Variants in ZHX3 observed in about 807,000 individuals in gnomAD.
ZHX3 encodes zinc fingers and homeoboxes protein 3.
A neutral mutation model predicts 64.5 loss-of-function variants in ZHX3; 20 were observed. The observed-to-expected ratio is 0.31, with a 90% confidence interval of 0.22 to 0.45. ZHX3 has a LOEUF of 0.45. Ranked by LOEUF, ZHX3 falls within the 20% of genes least tolerant of loss-of-function variation. The pLI is 1.00. For missense variants in ZHX3, 1,041 were observed against 1,195.8 expected (o/e 0.87, Z 1.91); for synonymous variants, 423 against 461.6 (o/e 0.92, Z 1.07).
chr20:41,271,561 G>A (rs531953577), intron 1 of ZHX3, among the ~76,000 whole-genome samples: 6 of 152,250 alleles, frequency 3.9e-5, no homozygotes, highest in African/African-American at 1.4e-4. Flanking sequence ...AGAGGAAGCA[G>A]GTAGGAGTGT....
Position 41,200,050 on chromosome 20 carries a change from A to G in ZHX3, c.2860+2007T>C, listed in dbSNP as rs951601671. 1.1e-4 allele frequency among the ~76,000 whole-genome samples: 17 copies of G among 152,160 alleles called. No individual in the cohort carries two copies. The highest frequency in any genetic ancestry group is 4.1e-4 in the African/African-American group (17 of 41,432). On this transcript the variant is annotated intron_variant, in intron 3 of 3. Coordinates refer to ENST00000683867, the MANE Select transcript of ZHX3 (RefSeq NM_001384317.1). The surrounding 1 kb of genome is among the most constrained non-coding windows in gnomAD (Gnocchi z 4.2). ...AGTTGTTATTGCCTACCCTGGCACC[A>G]ACAGTCTGCACCAGGAACATTTTCC...
At chr20:41,269,576 A>AT (rs2043025624) in intron 1 of ZHX3, 1 of 115,710 alleles carries the variant, frequency 8.6e-6, no homozygotes, top group South Asian at 2.7e-4. Flanking sequence ...CTATTTCATC[A>AT]TGGCACTTTC....
chr20:41,200,556 G>A lies in ZHX3; in HGVS notation c.2860+1501C>T, dbSNP rs1342623159. ...GCTGTGAGCTGTGGGCCCCAAAGGA[G>A]GGGAGTGTTTTGTTGTTGCCGTATT... is the stretch of plus-strand genomic sequence containing the variant. On this transcript the variant is annotated intron_variant, in intron 3 of 3. Transcript: ENST00000683867. This position sits in a 1 kb window ranked among gnomAD's most constrained non-coding sequence, Gnocchi z 4.2. Among the ~76,000 whole-genome samples, 3 of 152,018 alleles carry A rather than the reference G, an allele frequency of 2.0e-5. No homozygotes were observed. Among genetic ancestry groups the A allele is most frequent in the South Asian group, 2.1e-4 (1 of 4,816 alleles).
rs1224264792 is a variant in ZHX3, at chr20:41,212,566, G to A, written c.-150-7500C>T. On this transcript the variant is annotated intron_variant, in intron 2 of 3. Transcript: ENST00000683867. The surrounding 1 kb of genome is among the most constrained non-coding windows in gnomAD (Gnocchi z 4.3). ...TAATCCTAGCACTTTGGGAGGCCAA[G>A]GCGGGCGGATCACCAGAGGTCAGGA... Among the ~76,000 whole-genome samples, 5 of 152,188 alleles carry A rather than the reference G, an allele frequency of 3.3e-5. No homozygotes were observed. The highest frequency in any genetic ancestry group is 5.9e-5 in the Non-Finnish European group (4 of 68,026).
intron 2 of ZHX3, among the ~76,000 whole-genome samples, chr20:41,254,996 T>C (rs1306270326): frequency 2.0e-5 from 3 of 151,408 alleles, no homozygotes; most frequent in Admixed American, 6.6e-5. Context: ...AAGGGGAGAG[T>C]GGCATTGATG....
At chr20:41,249,027 A>G (rs377747153) in intron 2 of ZHX3, among the ~76,000 whole-genome samples, 1 of 152,256 alleles carries the variant, frequency 6.6e-6, no homozygotes. Context: ...TTATTTGTGC[A>G]AAACTATTCT....
At position 41,212,906 on chromosome 20, in the gene ZHX3, T is replaced by C. The variant is rs1185584578; in HGVS notation, c.-150-7840A>G. 2.6e-5 allele frequency among the ~76,000 whole-genome samples: 4 copies of C among 152,072 alleles called. No homozygotes were observed. The highest frequency in any genetic ancestry group is 9.7e-5 in the African/African-American group (4 of 41,402). ...AAAAACATGTCCACCCCAAAATATG[T>C]ACACAAATGTTCACAGCAGCATTAT... On this transcript the variant is annotated intron_variant, in intron 2 of 3. Transcript: ENST00000683867. The surrounding 1 kb of genome is among the most constrained non-coding windows in gnomAD (Gnocchi z 4.3).
chr20:41,198,188 G>T (rs1221489928), intron 3 of ZHX3, among the ~76,000 whole-genome samples: 1 of 151,708 alleles, frequency 6.6e-6, no homozygotes, highest in African/African-American at 2.4e-5. Context: ...TGTAGAGATG[G>T]GTTTTCACCA....
chr20:41,274,026 T>C (rs2043272054), intron 1 of ZHX3, among the ~76,000 whole-genome samples: 1 of 152,244 alleles, frequency 6.6e-6, no homozygotes, highest in Non-Finnish European at 1.5e-5. Flanking sequence ...GATAAGGTGA[T>C]ACACTAACTT....
intron 2 of ZHX3, among the ~76,000 whole-genome samples, chr20:41,218,737 A>G (rs955842941): frequency 1.3e-5 from 2 of 152,158 alleles, no homozygotes; most frequent in African/African-American, 4.8e-5. Flanking sequence ...TTCTGCTGAA[A>G]ACAAAAAAGT....
chr20:41,309,898 T>C (rs560078955), intron 1 of ZHX3, among the ~76,000 whole-genome samples: 2 of 152,362 alleles, frequency 1.3e-5, no homozygotes, highest in South Asian at 4.1e-4. Context: ...CAGTCACTTA[T>C]ATCTGTAGCA....
At chr20:41,313,935 T>TC (rs145167840) in intron 1 of ZHX3, among the ~76,000 whole-genome samples, 2 of 152,202 alleles carry the variant, frequency 1.3e-5, no homozygotes, top group South Asian at 2.1e-4. Context: ...CATTTAGGAT[T>TC]CCCCCCTTAC....
rs2040661816 is a variant in ZHX3, at chr20:41,232,305, G to A, written c.-150-27239C>T. On this transcript the variant is annotated intron_variant, in intron 2 of 3. Coordinates refer to ENST00000683867, the MANE Select transcript of ZHX3 (RefSeq NM_001384317.1). The surrounding 1 kb of genome is among the most constrained non-coding windows in gnomAD (Gnocchi z 5.0). ...CGCTGCAGCATAAAAAAAAAAAAAA[G>A]GTCTAGTTTTAAACAAAGAACTCAA... Among the ~76,000 whole-genome samples, 1 of 151,514 alleles carries A rather than the reference G, an allele frequency of 6.6e-6. No homozygotes were observed. Among genetic ancestry groups the A allele is most frequent in the African/African-American group, 2.4e-5 (1 of 41,238 alleles).
intron 1 of ZHX3, among the ~76,000 whole-genome samples, chr20:41,292,424 T>C (rs2044295607): frequency 6.6e-6 from 1 of 152,246 alleles, no homozygotes; most frequent in Non-Finnish European, 1.5e-5. Flanking sequence ...ATAGTAATTT[T>C]TTTTTGAAAT....
chr20:41,202,623 C>T lies in ZHX3; in HGVS notation c.2294G>A (p.Gly765Asp). ...GGCAGTCTTTTTGCAGCTCACTTTG[C>T]CTGGGAGCTGCTCTGCCAGTTTGTT... The part of the protein sequence containing the change: ...ESNKLAEQLP[G>D]KVSCKKTAQQ... Residue 765 changes from glycine (G) to aspartate (D), a missense_variant, in exon 3 of 4, where the codon GGC (glycine) becomes GAC (aspartate). By Grantham distance (94) the Gly-to-Asp change is moderately conservative. Around this residue, in one of 4 missense-constraint regions of ZHX3, gnomAD observed 649 missense variants for 739.8 expected, o/e 0.88. Transcript: ENST00000683867. This position sits in a 1 kb window ranked among gnomAD's most constrained non-coding sequence, Gnocchi z 7.0. 6.2e-7 allele frequency: 1 copy of T among 1,613,832 alleles called. No homozygotes were observed. The highest frequency in any genetic ancestry group is 8.5e-7 in the Non-Finnish European group (1 of 1,180,010).
At chr20:41,316,658 C>T (rs1031642567) in intron 1 of ZHX3, among the ~76,000 whole-genome samples, 1 of 152,158 alleles carries the variant, frequency 6.6e-6, no homozygotes, top group Non-Finnish European at 1.5e-5. Flanking sequence ...TCCCCCACCC[C>T]AAGTCACATA....
rs1196141371 is a variant in ZHX3 at position 41,278,770 on chromosome 20, G to GT, written c.-244-9688dup. Among the ~76,000 whole-genome samples, 76 of 138,898 alleles carry GT rather than the reference G, an allele frequency of 5.5e-4. 9 individuals carry two copies. Among genetic ancestry groups the GT allele is most frequent in the South Asian group, 2.5e-3 (10 of 4,000 alleles). 91.1% of individuals were successfully genotyped at this position (138,898 alleles called of 152,430 possible). A position where few individuals can be genotyped will look rare whatever the true frequency, so the allele number is the denominator to read the frequency against. On this transcript the variant is annotated intron_variant, in intron 1 of 3. Transcript: ENST00000683867. ...GCTAATTTTTACTTTTCTCTGCACAGTTTTTTTTTGTTTTTGTTTTGAGAC... is the reference window on the plus strand; with the variant it reads ...GCTAATTTTTACTTTTCTCTGCACAGTTTTTTTTTTGTTTTTGTTTTGAGAC...
In ZHX3 at chr20:41,181,705, T is replaced by A. The variant is rs2036257371; in HGVS notation, c.*3486A>T. 1 of 152,160 alleles carries A rather than the reference T, an allele frequency of 6.6e-6. No homozygotes were observed. The allele number at this position is 152,160 out of a possible 1,614,324, so 9.4% of individuals were successfully genotyped here. A position where few individuals can be genotyped will look rare whatever the true frequency, so the allele number is the denominator to read the frequency against. ...CCCCTAGGCCACTGACTGAGCAGGA[T>A]AAAACCCACAAGGGCACATCTCAGG... On this transcript the variant is annotated 3_prime_UTR_variant, in exon 4 of 4. Transcript: ENST00000683867.
chr20:41,261,970 C>A (rs759039060), intron 2 of ZHX3, among the ~76,000 whole-genome samples: 1 of 152,200 alleles, frequency 6.6e-6, no homozygotes, highest in Non-Finnish European at 1.5e-5. Flanking sequence ...ATGCCACTCC[C>A]CAAGTTGGTC....
Sources: gnomAD v4.1 joint callset for allele counts (sites outside exome capture counted in the v4.1 genomes callset) on GRCh38, gnomAD v4.1.1 for gene constraint, gnomAD v4.1.1 regional missense constraint, Gnocchi (gnomAD v3.1) non-coding constraint, MANE v1.5 for transcripts, NCBI Gene and HGNC (gene_info 2026-07-23, HGNC 2026-07-21) for gene names.